FBXL20: variants seen among roughly 807,000 people sequenced by gnomAD.
The protein encoded by FBXL20 is F-box/LRR-repeat protein 20.
In FBXL20, 11 loss-of-function variants were observed where a neutral mutation model predicts 64.0. The observed-to-expected ratio is 0.17, with a 90% CI of 0.11 to 0.28. The LOEUF is 0.28. Ranked by LOEUF, FBXL20 falls within the 10% of genes least tolerant of loss-of-function variation. The pLI, the probability that FBXL20 is intolerant of heterozygous loss-of-function variation, is 1.00. For missense variants in FBXL20, 303 were observed against 526.2 expected, an observed-to-expected ratio of 0.58 and a Z score of 4.15; for synonymous variants, 184 against 189.0, an observed-to-expected ratio of 0.97 and a Z score of 0.22.
intron 1 of FBXL20, among the ~76,000 whole-genome samples, chr17:39,372,816 G>C (rs951153653): frequency 6.6e-5 from 10 of 151,324 alleles, no homozygotes; most frequent in Middle Eastern, 6.8e-3. Flanking sequence ...GTAGAGATGG[G>C]GTTTCACCAG....
At chr17:39,384,440 G>A (rs910236392) in intron 1 of FBXL20, among the ~76,000 whole-genome samples, 4 of 151,208 alleles carry the variant, frequency 2.6e-5, no homozygotes, top group Middle Eastern at 3.5e-3. Flanking sequence ...CAGGAGAATC[G>A]CTTCAACCCG....
chr17:39,292,603 G>T (rs546644890), intron 6 of FBXL20, among the ~76,000 whole-genome samples: 1 of 150,444 alleles, frequency 6.6e-6, no homozygotes, highest in East Asian at 1.9e-4. Flanking sequence ...TTCTATTTCA[G>T]TCACTTCTGG....
chr17:39,381,665 C>T (rs901553851), intron 1 of FBXL20, among the ~76,000 whole-genome samples: 7 of 151,870 alleles, frequency 4.6e-5, no homozygotes, highest in Non-Finnish European at 7.4e-5. Context: ...GTGGTGTACA[C>T]TTGTAGTCTT....
rs549607782 is a variant in FBXL20, at chr17:39,348,081, T to C, written c.43-4840A>G. On this transcript the variant is annotated intron_variant, in intron 1 of 14. Coordinates refer to ENST00000264658, the MANE Select transcript of FBXL20 (RefSeq NM_032875.3). ...ACATTTCTCTCTAAACAAGGTTGGG[T>C]TCGTCTTTTTTTTTTTTTGGTAGAG... is the stretch of plus-strand genomic sequence containing the variant. Among the ~76,000 whole-genome samples the C allele has an allele frequency of 2.2e-5, 3 of 133,582 alleles. No individual in the cohort carries two copies. In the East Asian group the frequency reaches 6.1e-4, roughly 27 times the overall value. 87.6% of individuals were successfully genotyped at this position (133,582 alleles called of 152,430 possible).
chr17:39,339,547 G>A (rs2047561768), intron 2 of FBXL20, among the ~76,000 whole-genome samples: 1 of 152,146 alleles, frequency 6.6e-6, no homozygotes. Flanking sequence ...GAGCAAGGAG[G>A]CATAACAATT....
At position 39,300,938 on chromosome 17, in the gene FBXL20, C is replaced by T. The variant is rs2047128645; in HGVS notation, c.234+63G>A. The T allele has an allele frequency of 4.8e-6, 7 of 1,460,400 alleles. No homozygotes were observed. The South Asian group carries it at 7.0e-5, about 15-fold the overall frequency. The allele number at this position is 1,460,400 out of a possible 1,614,324, so 90.5% of individuals were successfully genotyped here. On this transcript the variant is annotated intron_variant, in intron 4 of 14. Coordinates refer to ENST00000264658, the MANE Select transcript of FBXL20 (RefSeq NM_032875.3). ...GAAAATGAGATTAATATGGCTAGGG[C>T]TAATCTGTTCCATGCTGTAATTACT...
intron 2 of FBXL20, among the ~76,000 whole-genome samples, chr17:39,305,552 GA>G (rs2047174193): frequency 6.6e-6 from 1 of 151,996 alleles, no homozygotes; most frequent in Non-Finnish European, 1.5e-5. Context: ...AAAAAGAAAA[GA>G]AAAAACATAG....
At chr17:39,262,774 G>A (rs1379514702) in intron 14 of FBXL20, among the ~76,000 whole-genome samples, 3 of 151,794 alleles carry the variant, frequency 2.0e-5, no homozygotes, top group South Asian at 2.1e-4. Context: ...TGAAGCGGGC[G>A]GATCACGAGG....
rs1013613295 is a variant in FBXL20, at chr17:39,337,848, G to A, written c.104+5332C>T. Among the ~76,000 whole-genome samples the A allele has an allele frequency of 3.1e-4, 47 of 150,856 alleles. 2 individuals carry two copies. The highest frequency in any genetic ancestry group is 5.4e-4 in the African/African-American group (22 of 41,046). On this transcript the variant is annotated intron_variant, in intron 2 of 14. Coordinates refer to ENST00000264658, the MANE Select transcript of FBXL20 (RefSeq NM_032875.3). Reference sequence around the variant, plus strand: ...GGGGTCAGCCCCCGCCAGGCCAGCCGCCCCGTCCAGGAGGGAGGAGGGGGT... The same window carrying A: ...GGGGTCAGCCCCCGCCAGGCCAGCCACCCCGTCCAGGAGGGAGGAGGGGGT...
chr17:39,340,899 A>C (rs1337898890), intron 2 of FBXL20, among the ~76,000 whole-genome samples: 4 of 151,754 alleles, frequency 2.6e-5, no homozygotes, highest in Non-Finnish European at 5.9e-5. Flanking sequence ...CCCCAAAGTG[A>C]ATTTATTAAA....
chr17:39,333,286 C>T (rs2047481630), intron 2 of FBXL20, among the ~76,000 whole-genome samples: 1 of 152,216 alleles, frequency 6.6e-6, no homozygotes, highest in Non-Finnish European at 1.5e-5. Context: ...CCTGGGATTG[C>T]AGGCGCGCGC....
chr17:39,281,784 T>C (rs80268089), intron 8 of FBXL20, among the ~76,000 whole-genome samples: 1,687 of 152,272 alleles, frequency 0.011, 12 homozygotes, highest in South Asian at 0.017. Flanking sequence ...TGAGGGCCCA[T>C]GAAACTAAAA....
intron 2 of FBXL20, among the ~76,000 whole-genome samples, chr17:39,331,676 G>A (rs536932009): frequency 6.6e-6 from 1 of 152,222 alleles, no homozygotes; most frequent in East Asian, 1.9e-4. Flanking sequence ...CTCAACAAAT[G>A]TTTGTATCCA....
chr17:39,395,423 C>G (rs995971273), intron 1 of FBXL20, among the ~76,000 whole-genome samples: 2 of 151,908 alleles, frequency 1.3e-5, no homozygotes, highest in Admixed American at 6.6e-5. Flanking sequence ...GACTCCGTCT[C>G]AAAAATAAAT....
At chr17:39,273,426 G>A (rs1328275035) in intron 10 of FBXL20, among the ~76,000 whole-genome samples, 1 of 152,182 alleles carries the variant, frequency 6.6e-6, no homozygotes, top group Non-Finnish European at 1.5e-5. Flanking sequence ...TGGCTTCATA[G>A]GCTCAGGAAT....
At chr17:39,319,122 G>A (rs1295169792) in intron 2 of FBXL20, among the ~76,000 whole-genome samples, 1 of 151,230 alleles carries the variant, frequency 6.6e-6, no homozygotes, top group Non-Finnish European at 1.5e-5. Flanking sequence ...GGTGGAGCAT[G>A]CCTGTAATTC....
intron 1 of FBXL20, among the ~76,000 whole-genome samples, chr17:39,358,540 G>T (rs541897735): frequency 6.6e-6 from 1 of 151,946 alleles, no homozygotes; most frequent in Non-Finnish European, 1.5e-5. Context: ...AAGATTATCC[G>T]GGCGTGGTGG....
intron 2 of FBXL20, among the ~76,000 whole-genome samples, chr17:39,308,471 G>A (rs1292732647): frequency 6.6e-6 from 1 of 151,590 alleles, no homozygotes; most frequent in East Asian, 1.9e-4. Flanking sequence ...CTTTGGCCTG[G>A]GCAACAGAGC....
rs1040387738 is a variant in FBXL20 at position 39,349,386 on chromosome 17, G to A, written c.43-6145C>T. ...TTACAGGTATTAAGTCACCATGCCT[G>A]GTCAGAATTTTCCATAGTGGTGTCA... On this transcript the variant is annotated intron_variant, in intron 1 of 14. Transcript: ENST00000264658. Among the ~76,000 whole-genome samples, 10 of 146,934 alleles carry A rather than the reference G, an allele frequency of 6.8e-5. No homozygotes were observed. The Admixed American group carries it at 6.8e-4, about 10-fold the overall frequency.
Sources: gnomAD v4.1 joint callset for allele counts (sites outside exome capture counted in the v4.1 genomes callset) on GRCh38, gnomAD v4.1.1 for gene constraint, MANE v1.5 for transcripts, NCBI Gene and HGNC (gene_info 2026-07-23, HGNC 2026-07-21) for gene names.